ADGRG6: variants seen among roughly 807,000 people sequenced by gnomAD.
ADGRG6 encodes the protein adhesion G protein-coupled receptor G6.
In ADGRG6, 84 loss-of-function variants were observed where a neutral mutation model predicts 142.4. The ratio of observed to expected loss-of-function variants is 0.59; its 90% confidence interval spans 0.49 to 0.71. The LOEUF (loss-of-function observed/expected upper bound fraction) is 0.71. ADGRG6 is among the 30% of genes least tolerant of loss of function. ADGRG6 has a pLI of 0.00. For synonymous variants in ADGRG6, 521 were observed against 520.5 expected (o/e 1.00, Z -0.01); for missense variants, 1,367 against 1,466.6 (o/e 0.93, Z 1.11).
At chr6:142,405,592 CT>C in intron 14 of ADGRG6, 95 bp from the exon 15 acceptor site, 1 of 977,202 alleles carries the variant, frequency 1.0e-6, no homozygotes, top group Non-Finnish European at 1.6e-6. Context: ...CTAATTTGAA[CT>C]TGCAATTGTT....
At chr6:142,335,887 A>G (rs1301667684) in intron 2 of ADGRG6, among the ~76,000 whole-genome samples, 2 of 152,178 alleles carry the variant, frequency 1.3e-5, no homozygotes, top group Admixed American at 6.5e-5. Context: ...GTAATCAGGG[A>G]TCCTTTGGGA....
In ADGRG6 at chr6:142,445,269, C is replaced by T. The variant is rs548813734; in HGVS notation, c.*1754C>T. 1.3e-5 allele frequency: 2 copies of T among 152,080 alleles called. No homozygotes were observed. The highest frequency in any genetic ancestry group is 6.6e-5 in the Admixed American group (1 of 15,264). 9.4% of individuals were successfully genotyped at this position (152,080 alleles called of 1,614,324 possible). A position where few individuals can be genotyped will look rare whatever the true frequency, so the allele number is the denominator to read the frequency against. On this transcript the variant is annotated 3_prime_UTR_variant, in exon 25 of 25. Coordinates refer to ENST00000367609, the MANE Select transcript of ADGRG6 (RefSeq NM_198569.3). The stretch of plus-strand genomic sequence containing the variant: ...TAAAAAAGAATAGTAAATATAAGGT[C>T]ACTGAGATTCTAAGTAAGATAGTAA...
At chr6:142,410,817 A>G (rs1381252965) in intron 17 of ADGRG6, among the ~76,000 whole-genome samples, 1 of 152,116 alleles carries the variant, frequency 6.6e-6, no homozygotes, top group African/African-American at 2.4e-5. Flanking sequence ...TTATACCATG[A>G]AAGTCAAATA....
intron 5 of ADGRG6, among the ~76,000 whole-genome samples, chr6:142,382,698 A>G (rs1781827487): frequency 6.6e-6 from 1 of 152,148 alleles, no homozygotes; most frequent in African/African-American, 2.4e-5. Flanking sequence ...CTTTTCATCT[A>G]TTTATTCTAT....
intron 4 of ADGRG6, among the ~76,000 whole-genome samples, chr6:142,372,252 T>G (rs921068095): frequency 1.3e-5 from 2 of 152,216 alleles, no homozygotes; most frequent in Non-Finnish European, 2.9e-5. Context: ...ACTTTAAATG[T>G]CATATGACTA....
chr6:142,348,657 TAGAAA>T (rs1332119745), intron 2 of ADGRG6, among the ~76,000 whole-genome samples: 2 of 151,466 alleles, frequency 1.3e-5, no homozygotes, highest in Non-Finnish European at 2.9e-5. Context: ...TTAGACTTCA[TAGAAA>T]AGAAGGAACT....
chr6:142,348,122 G>T (rs1779994067), intron 2 of ADGRG6, among the ~76,000 whole-genome samples: 1 of 152,118 alleles, frequency 6.6e-6, no homozygotes, highest in Non-Finnish European at 1.5e-5. Context: ...TTAGCTGCAT[G>T]GTAATGGGGT....
chr6:142,325,904 C>G (rs1440574654), intron 2 of ADGRG6, among the ~76,000 whole-genome samples: 1 of 151,696 alleles, frequency 6.6e-6, no homozygotes, highest in Admixed American at 6.6e-5. Flanking sequence ...GAATATAATT[C>G]AGTAGCAAAT....
intron 2 of ADGRG6, among the ~76,000 whole-genome samples, chr6:142,361,204 A>G (rs1780696741): frequency 6.6e-6 from 1 of 152,214 alleles, no homozygotes; most frequent in Non-Finnish European, 1.5e-5. Flanking sequence ...GTGAGAGGAG[A>G]CAGATCCTCT....
intron 18 of ADGRG6, among the ~76,000 whole-genome samples, chr6:142,414,578 T>C (rs552893155): frequency 1.3e-5 from 2 of 152,148 alleles, no homozygotes; most frequent in South Asian, 4.1e-4. Context: ...TAGACTACTG[T>C]GGTCTCCATT....
intron 2 of ADGRG6, among the ~76,000 whole-genome samples, chr6:142,358,131 T>A (rs1433906034): frequency 2.6e-5 from 4 of 152,216 alleles, no homozygotes; most frequent in Non-Finnish European, 2.9e-5. Context: ...TAAGACATTC[T>A]CTACTTATGT....
At chr6:142,347,652 G>T (rs1012625757) in intron 2 of ADGRG6, among the ~76,000 whole-genome samples, 1 of 152,038 alleles carries the variant, frequency 6.6e-6, no homozygotes, top group Non-Finnish European at 1.5e-5. Flanking sequence ...GCTCTTCTTA[G>T]ACTTTTCTTT....
intron 2 of ADGRG6, among the ~76,000 whole-genome samples, chr6:142,315,637 C>T (rs1339597004): frequency 2.0e-5 from 3 of 151,904 alleles, no homozygotes; most frequent in Non-Finnish European, 4.4e-5. Context: ...TTGAGACCAG[C>T]CTGGCCAACA....
rs1202709816 is a variant in ADGRG6, at chr6:142,444,466, T to C, written c.*951T>C. Reference sequence around the variant, plus strand: ...CTTGCTTTGGAGACTTTAAGACATTTCCTAAAGCACAAATAAAAGCCTCGT... The same window carrying C: ...CTTGCTTTGGAGACTTTAAGACATTCCCTAAAGCACAAATAAAAGCCTCGT... On this transcript the variant is annotated 3_prime_UTR_variant, in exon 25 of 25. Transcript: ENST00000367609. 6.6e-6 allele frequency: 1 copy of C among 152,198 alleles called. No individual in the cohort carries two copies. Among genetic ancestry groups the C allele is most frequent in the African/African-American group, 2.4e-5 (1 of 41,454 alleles). The allele number at this position is 152,198 out of a possible 1,614,324, so 9.4% of individuals were successfully genotyped here.
At chr6:142,334,301 A>G (rs1779206091) in intron 2 of ADGRG6, among the ~76,000 whole-genome samples, 2 of 152,232 alleles carry the variant, frequency 1.3e-5, no homozygotes, top group African/African-American at 4.8e-5. Flanking sequence ...TAAAGACAAG[A>G]GAAGGAAAAA....
chr6:142,415,848 C>T lies in ADGRG6; in HGVS notation c.2722C>T (p.Leu908=). The T allele has an allele frequency of 6.2e-7, 1 of 1,611,616 alleles. No individual in the cohort carries two copies. Among genetic ancestry groups the T allele is most frequent in the Non-Finnish European group, 8.5e-7 (1 of 1,177,938 alleles). The change falls in exon 20 of 25, where the codon CTG becomes TTG. Residue 908 remains leucine (L), a synonymous_variant. Coordinates refer to ENST00000367609, the MANE Select transcript of ADGRG6 (RefSeq NM_198569.3). ...SKILMNLSTA[L]LFLNLLFLLD... Reference sequence around the variant, plus strand: ...AATCTTGATGAACCTGAGCACAGCCCTGCTGTTCCTGAATCTCCTCTTCCT... The same window carrying T: ...AATCTTGATGAACCTGAGCACAGCCTTGCTGTTCCTGAATCTCCTCTTCCT...
rs1285447010 is a variant in ADGRG6, at chr6:142,437,483, A to T, written c.3369A>T (p.Lys1123Asn). 4 of 1,589,430 alleles carry T rather than the reference A, an allele frequency of 2.5e-6. No individual in the cohort carries two copies. The South Asian group carries it at 4.4e-5, about 18-fold the overall frequency. The stretch of plus-strand genomic sequence containing the variant: ...GTGCTATGAAGGAGAATGTTCAGAA[A>T]CAGTGGCGGCAGCATCTCTGCTGTG... ...FHCAMKENVQKQWRQHLCCGR... is the reference protein window; with the variant it reads ...FHCAMKENVQNQWRQHLCCGR... The change falls in exon 23 of 25, where the codon AAA (lysine) becomes AAT (asparagine). Residue 1123 changes from lysine to asparagine, a missense_variant. This residue lies in a region of ADGRG6 where 344 missense variants were observed against 348.7 expected (regional missense o/e 0.99). Transcript: ENST00000367609.
intron 21 of ADGRG6, 39 bp downstream of exon 21, chr6:142,417,408 T>C (rs777328495): frequency 1.2e-6 from 1 of 867,206 alleles, no homozygotes; most frequent in South Asian, 1.5e-5. Flanking sequence ...TAGATATCCT[T>C]TGTTTCCTGA....
At chr6:142,404,060 A>G (rs1775674936) in intron 14 of ADGRG6, 87 bp downstream of exon 14, 1 of 990,230 alleles carries the variant, frequency 1.0e-6, no homozygotes, top group South Asian at 1.3e-5. Flanking sequence ...TGCTTCCAAG[A>G]GGTCTTGGTC....
Sources: gnomAD v4.1 joint callset for allele counts (sites outside exome capture counted in the v4.1 genomes callset) on GRCh38, gnomAD v4.1.1 for gene constraint, gnomAD v4.1.1 regional missense constraint, MANE v1.5 for transcripts, NCBI Gene and HGNC (gene_info 2026-07-23, HGNC 2026-07-21) for gene names.